Variants in ST6GAL1 observed in about 807,000 individuals in gnomAD.
ST6GAL1 encodes the protein beta-galactoside alpha-2,6-sialyltransferase 1.
In ST6GAL1, 20 loss-of-function variants were observed where a neutral mutation model predicts 38.0. The observed-to-expected ratio is 0.53, with a 90% confidence interval of 0.37 to 0.77. The LOEUF (loss-of-function observed/expected upper bound fraction) is 0.77. Ranked by LOEUF, ST6GAL1 falls within the 30% of genes least tolerant of loss-of-function variation. The pLI, the probability that ST6GAL1 is intolerant of heterozygous loss-of-function variation, is 0.00. For missense variants in ST6GAL1, 432 were observed against 496.4 expected (o/e 0.87, Z 1.23); for synonymous variants, 196 against 188.2 (o/e 1.04, Z -0.34).
intron 2 of ST6GAL1, among the ~76,000 whole-genome samples, chr3:186,999,227 ACACCACTCGC>A (rs1716525554): frequency 1.3e-5 from 2 of 152,078 alleles, no homozygotes; most frequent in Non-Finnish European, 2.9e-5. Flanking sequence ...GGGACCATTA[ACACCACTCGC>A]CTCGTAGAAG....
chr3:186,978,056 C>A (rs1715575887), intron 2 of ST6GAL1, among the ~76,000 whole-genome samples: 1 of 151,798 alleles, frequency 6.6e-6, no homozygotes, highest in Non-Finnish European at 1.5e-5. Context: ...ACTAAAAATA[C>A]AAAAATTAGC....
intron 2 of ST6GAL1, among the ~76,000 whole-genome samples, chr3:187,020,314 A>AAC (rs940820587): frequency 7.2e-5 from 11 of 151,946 alleles, no homozygotes; most frequent in African/African-American, 2.7e-4. Context: ...CAAACAAACA[A>AAC]AAAACAAAAC....
chr3:187,076,792 ACCT>A lies in ST6GAL1; in HGVS notation c.*993_*995del. On this transcript the variant is annotated 3_prime_UTR_variant, in exon 8 of 8. Transcript: ENST00000169298. ...GAGACTCAAGATATTTTTTTAGGAA[ACCT>A]CCTACCCATGTCTGAGGTAGCAAGT... is the stretch of plus-strand genomic sequence containing the variant. 1 of 398,602 alleles carries A rather than the reference ACCT, an allele frequency of 2.5e-6. No individual in the cohort carries two copies. Among genetic ancestry groups the A allele is most frequent in the South Asian group, 1.3e-4 (1 of 7,828 alleles). 24.7% of individuals were successfully genotyped at this position (398,602 alleles called of 1,614,324 possible).
intron 3 of ST6GAL1, 110 bp from the exon 4 acceptor site, chr3:187,042,544 G>T (rs982350562): frequency 5.7e-6 from 6 of 1,061,052 alleles, no homozygotes; most frequent in Middle Eastern, 2.2e-4. Context: ...GACCAGGGCT[G>T]GAATTCAAGT....
intron 1 of ST6GAL1, among the ~76,000 whole-genome samples, chr3:186,931,976 G>A (rs923648418): frequency 2.6e-5 from 4 of 152,258 alleles, no homozygotes; most frequent in African/African-American, 9.6e-5. Context: ...ATCTGCAGCG[G>A]GGAGATGGTT....
chr3:187,047,081 G>A (rs980433453), intron 4 of ST6GAL1, among the ~76,000 whole-genome samples: 1 of 152,084 alleles, frequency 6.6e-6, no homozygotes, highest in Non-Finnish European at 1.5e-5. Context: ...GAGTAGCTGG[G>A]ACTACAGGTG....
Position 186,931,975 on chromosome 3 carries a change from G to C in ST6GAL1, c.-325+1141G>C, listed in dbSNP as rs78264046. Among the ~76,000 whole-genome samples the C allele has an allele frequency of 6.8e-3, 1,042 of 152,348 alleles. 5 individuals carry two copies. The highest frequency in any genetic ancestry group is 0.023 in the African/African-American group (956 of 41,578). On this transcript the variant is annotated intron_variant, in intron 1 of 7. Transcript: ENST00000169298. Reference sequence around the variant, plus strand: ...ATGTTAATCGGACACGATCTGCAGCGGGGAGATGGTTTCGCGGTGAATTGG... The same window carrying C: ...ATGTTAATCGGACACGATCTGCAGCCGGGAGATGGTTTCGCGGTGAATTGG...
chr3:186,933,166 GTT>G (rs1713820301), intron 1 of ST6GAL1, among the ~76,000 whole-genome samples: 1 of 152,128 alleles, frequency 6.6e-6, no homozygotes, highest in African/African-American at 2.4e-5. Context: ...TTCCTAATTG[GTT>G]TTCTACGCTG....
intron 2 of ST6GAL1, among the ~76,000 whole-genome samples, chr3:187,013,627 C>G (rs1717026675): frequency 6.6e-6 from 1 of 152,322 alleles, no homozygotes; most frequent in South Asian, 2.1e-4. Context: ...CTCTGTCACC[C>G]AGGCTGGAGT....
intron 5 of ST6GAL1, among the ~76,000 whole-genome samples, chr3:187,057,314 G>A (rs1718739336): frequency 6.6e-6 from 1 of 152,192 alleles, no homozygotes; most frequent in Non-Finnish European, 1.5e-5. Flanking sequence ...GTCAGCTCGT[G>A]AAAGTCATTC....
chr3:186,993,351 G>A (rs1447872346), intron 2 of ST6GAL1, among the ~76,000 whole-genome samples: 2 of 152,046 alleles, frequency 1.3e-5, no homozygotes, highest in Non-Finnish European at 2.9e-5. Context: ...TTTGGCATAG[G>A]GTCACCTGTA....
At chr3:187,022,187 C>G (rs181567470) in intron 2 of ST6GAL1, among the ~76,000 whole-genome samples, 3 of 152,218 alleles carry the variant, frequency 2.0e-5, no homozygotes, top group Admixed American at 1.3e-4. Context: ...GACACTATTT[C>G]CAGGTAGATA....
intron 2 of ST6GAL1, chr3:186,964,479 AAATAC>A (rs1203089340): frequency 1.3e-5 from 2 of 152,210 alleles, no homozygotes; most frequent in Non-Finnish European, 2.9e-5. Context: ...TTGTGGAAGA[AAATAC>A]AATATATCTG....
At chr3:186,932,853 T>A (rs1478732986) in intron 1 of ST6GAL1, among the ~76,000 whole-genome samples, 1 of 152,248 alleles carries the variant, frequency 6.6e-6, no homozygotes, top group African/African-American at 2.4e-5. Context: ...AGAAGCCGGA[T>A]TTCCCCAAAG....
At chr3:187,030,252 A>C (rs193064295) in intron 2 of ST6GAL1, among the ~76,000 whole-genome samples, 1 of 152,154 alleles carries the variant, frequency 6.6e-6, no homozygotes, top group African/African-American at 2.4e-5. Context: ...CTGTCTGCAC[A>C]GGGTCTCTGT....
intron 2 of ST6GAL1, among the ~76,000 whole-genome samples, chr3:186,998,743 A>G (rs1279168039): frequency 6.6e-6 from 1 of 152,208 alleles, no homozygotes; most frequent in Non-Finnish European, 1.5e-5. Flanking sequence ...TACTTTCTAC[A>G]TTCCTTTTTC....
chr3:187,074,617 C>G (rs1354718434), intron 7 of ST6GAL1, among the ~76,000 whole-genome samples: 1 of 152,038 alleles, frequency 6.6e-6, no homozygotes, highest in Non-Finnish European at 1.5e-5. Context: ...GGAGAGAGGA[C>G]ACCTTCTAGC....
chr3:187,006,429 T>A (rs1419404369), intron 2 of ST6GAL1: 1 of 152,072 alleles, frequency 6.6e-6, no homozygotes, highest in Non-Finnish European at 1.5e-5. Flanking sequence ...TAGGAAGAGG[T>A]GAAAATAGAG....
At chr3:186,999,886 G>A (rs990019243) in intron 2 of ST6GAL1, among the ~76,000 whole-genome samples, 1 of 150,512 alleles carries the variant, frequency 6.6e-6, no homozygotes, top group African/African-American at 2.4e-5. Flanking sequence ...CTCCTCTGTT[G>A]CCCAGGCTGG....
Sources: gnomAD v4.1 joint callset for allele counts (sites outside exome capture counted in the v4.1 genomes callset) on GRCh38, gnomAD v4.1.1 for gene constraint, MANE v1.5 for transcripts, NCBI Gene and HGNC (gene_info 2026-07-23, HGNC 2026-07-21) for gene names.